Variants in CSMD1 observed in about 807,000 individuals in gnomAD.
The protein encoded by CSMD1 is CUB and sushi domain-containing protein 1.
Under a neutral mutation model 417.5 loss-of-function variants are expected in CSMD1, and 213 were observed. The ratio of observed to expected loss-of-function variants is 0.51; its 90% confidence interval spans 0.46 to 0.57. The LOEUF (loss-of-function observed/expected upper bound fraction) is 0.57. Ranked by LOEUF, CSMD1 falls within the 20% of genes least tolerant of loss-of-function variation. CSMD1 has a pLI of 0.00. For synonymous variants in CSMD1, 2,862 were observed against 1,736.8 expected (o/e 1.65, Z -16.11); for missense variants, 6,923 against 4,529.7 (o/e 1.53, Z -15.17).
Position 3,286,080 on chromosome 8 carries a change from G to A in CSMD1, c.3951-1734C>T, listed in dbSNP as rs150605121. Among the ~76,000 whole-genome samples, 13 of 152,158 alleles carry A rather than the reference G, an allele frequency of 8.5e-5. No homozygotes were observed. In the East Asian group the frequency reaches 2.3e-3, roughly 27 times the overall value. On this transcript the variant is annotated intron_variant, in intron 25 of 69. Coordinates refer to ENST00000635120, the MANE Select transcript of CSMD1 (RefSeq NM_033225.6). The stretch of plus-strand genomic sequence containing the variant: ...CTATGAGTGAGAACATGAGGCGTTT[G>A]GTTTTTTGTCCTTGAGATAGTTTGC...
intron 1 of CSMD1, among the ~76,000 whole-genome samples, chr8:4,667,328 C>A (rs938210425): frequency 6.6e-6 from 1 of 152,090 alleles, no homozygotes; most frequent in East Asian, 1.9e-4. Context: ...ATTGTCTTGG[C>A]CATTCTAGAT....
Position 4,060,543 on chromosome 8 carries a change from T to C in CSMD1, c.416-28444A>G, listed in dbSNP as rs147182536. Among the ~76,000 whole-genome samples the C allele has an allele frequency of 2.4e-4, 37 of 152,252 alleles. No individual in the cohort carries two copies. The East Asian group carries it at 6.6e-3, about 27-fold the overall frequency. On this transcript the variant is annotated intron_variant, in intron 3 of 69. Coordinates refer to ENST00000635120, the MANE Select transcript of CSMD1 (RefSeq NM_033225.6). Reference sequence around the variant, plus strand: ...GGGATGTCGGAGAAGGAGTGTGGCCTCTGCAATGGTTAACAGTGCGAATGA... The same window carrying C: ...GGGATGTCGGAGAAGGAGTGTGGCCCCTGCAATGGTTAACAGTGCGAATGA...
intron 50 of CSMD1, among the ~76,000 whole-genome samples, chr8:3,038,417 T>C (rs1436900270): frequency 6.6e-6 from 1 of 152,230 alleles, no homozygotes; most frequent in East Asian, 1.9e-4. Context: ...AAAATCTTAG[T>C]GTTCCATTCT....
intron 2 of CSMD1, among the ~76,000 whole-genome samples, chr8:4,429,791 C>T (rs773160656): frequency 6.6e-6 from 1 of 152,096 alleles, no homozygotes; most frequent in African/African-American, 2.4e-5. Flanking sequence ...TTGAAATATA[C>T]CGGCAATCCC....
intron 7 of CSMD1, among the ~76,000 whole-genome samples, chr8:3,621,671 C>T (rs945101159): frequency 3.3e-5 from 5 of 152,024 alleles, no homozygotes; most frequent in African/African-American, 4.8e-5. Context: ...TGGCTCACTG[C>T]AGCCTTCGTC....
intron 39 of CSMD1, among the ~76,000 whole-genome samples, chr8:3,153,556 A>G (rs1819330056): frequency 6.6e-6 from 1 of 152,220 alleles, no homozygotes; most frequent in Non-Finnish European, 1.5e-5. Flanking sequence ...AAAAAGGAAA[A>G]CAACAGAACC....
chr8:3,519,103 T>C (rs1208948140), intron 10 of CSMD1, among the ~76,000 whole-genome samples: 1 of 152,234 alleles, frequency 6.6e-6, no homozygotes, highest in East Asian at 1.9e-4. Flanking sequence ...CACTGTCCCC[T>C]GTGCAAATAT....
chr8:3,961,840 T>C (rs916274483), intron 5 of CSMD1, among the ~76,000 whole-genome samples: 1 of 152,188 alleles, frequency 6.6e-6, no homozygotes, highest in Non-Finnish European at 1.5e-5. Context: ...TAAGGCAGCA[T>C]CATGAGGAAG....
intron 3 of CSMD1, among the ~76,000 whole-genome samples, chr8:4,202,553 C>G (rs1403035760): frequency 6.6e-6 from 1 of 152,158 alleles, no homozygotes; most frequent in Admixed American, 6.5e-5. Flanking sequence ...GGACATCAGC[C>G]TCGACAAATT....
intron 3 of CSMD1, among the ~76,000 whole-genome samples, chr8:4,087,138 C>T (rs1320230033): frequency 1.3e-5 from 2 of 152,234 alleles, no homozygotes; most frequent in South Asian, 2.1e-4. Context: ...TGGGAGGTTG[C>T]GGAAATGGAA....
intron 5 of CSMD1, among the ~76,000 whole-genome samples, chr8:3,910,823 A>G (rs188882166): frequency 8.3e-4 from 126 of 152,330 alleles, no homozygotes; most frequent in African/African-American, 2.9e-3. Context: ...AGTGCATGCT[A>G]CAGGCCAAAT....
rs6558887 is a variant in CSMD1, at chr8:4,493,201, C to G, written c.303-73136G>C. Among the ~76,000 whole-genome samples, 373 of 152,042 alleles carry G rather than the reference C, an allele frequency of 2.5e-3. 4 individuals are homozygous for G. The highest frequency in any genetic ancestry group is 8.4e-3 in the African/African-American group (349 of 41,474). ...CCTTAAGACAGTAAGCGTTATATAC[C>G]TACATTGGAAGCACAAAAATATATT... On this transcript the variant is annotated intron_variant, in intron 2 of 69. Coordinates refer to ENST00000635120, the MANE Select transcript of CSMD1 (RefSeq NM_033225.6).
intron 3 of CSMD1, among the ~76,000 whole-genome samples, chr8:4,179,078 T>A (rs1286761342): frequency 6.6e-6 from 1 of 152,082 alleles, no homozygotes; most frequent in African/African-American, 2.4e-5. Flanking sequence ...AAAAAACTAC[T>A]TTAAAGTTCA....
chr8:3,217,031 C>T (rs949660378), intron 29 of CSMD1, among the ~76,000 whole-genome samples: 34 of 152,126 alleles, frequency 2.2e-4, no homozygotes, highest in South Asian at 2.1e-4. Context: ...AGGCTAGATG[C>T]AATGACATCA....
chr8:4,441,390 G>A (rs561302897), intron 2 of CSMD1, among the ~76,000 whole-genome samples: 1 of 150,462 alleles, frequency 6.6e-6, no homozygotes, highest in African/African-American at 2.4e-5. Flanking sequence ...TGTAATCACA[G>A]GCATGAGCCA....
In CSMD1 at chr8:4,788,248, A is replaced by C. The variant is rs368690238; in HGVS notation, c.86-150690T>G. The C allele has an allele frequency of 2.0e-5, 32 of 1,588,842 alleles. 1 individual carries two copies. In the South Asian group the frequency reaches 3.3e-4, roughly 16 times the overall value. On this transcript the variant is annotated intron_variant, in intron 1 of 69. Coordinates refer to ENST00000635120, the MANE Select transcript of CSMD1 (RefSeq NM_033225.6). ...GGACCAGATGAAACTCTGAGGGTTA[A>C]AGCTGAGTATGAAAGGGATGGCATT...
At chr8:3,558,831 AATG>A (rs1799340556) in intron 10 of CSMD1, among the ~76,000 whole-genome samples, 1 of 150,164 alleles carries the variant, frequency 6.7e-6, no homozygotes, top group East Asian at 2.0e-4. Context: ...CCACTCCTCC[AATG>A]ATGAATGGTG....
At chr8:4,466,668 C>T (rs537514484) in intron 2 of CSMD1, among the ~76,000 whole-genome samples, 233 of 152,160 alleles carry the variant, frequency 1.5e-3, no homozygotes, top group African/African-American at 4.9e-3. Flanking sequence ...AAATATAACT[C>T]TGAGTTGGGA....
intron 2 of CSMD1, among the ~76,000 whole-genome samples, chr8:4,628,073 G>C (rs1802228097): frequency 6.6e-6 from 1 of 151,178 alleles, no homozygotes; most frequent in African/African-American, 2.4e-5. Context: ...GCTGATAGAA[G>C]CATATACATA....
Sources: gnomAD v4.1 joint callset for allele counts (sites outside exome capture counted in the v4.1 genomes callset) on GRCh38, gnomAD v4.1.1 for gene constraint, MANE v1.5 for transcripts, NCBI Gene and HGNC (gene_info 2026-07-23, HGNC 2026-07-21) for gene names.